The following NAA35 variants were observed in gnomAD, a reference collection of about 807,000 sequenced individuals.
NAA35 encodes MAK10 homolog, amino-acid N-acetyltransferase subunit.
In NAA35, 18 loss-of-function variants were observed where a neutral mutation model predicts 101.7. The ratio of observed to expected loss-of-function variants is 0.18; its 90% confidence interval spans 0.12 to 0.26. NAA35 has a LOEUF of 0.26. NAA35 is among the 10% of genes least tolerant of loss of function. NAA35 has a pLI of 1.00. For missense variants in NAA35, 601 were observed against 886.8 expected (o/e 0.68, Z 4.09); for synonymous variants, 267 against 273.1 (o/e 0.98, Z 0.22).
chr9:85,973,936 T>C (rs1393232197), intron 6 of NAA35, among the ~76,000 whole-genome samples: 4 of 151,996 alleles, frequency 2.6e-5, no homozygotes, highest in African/African-American at 7.2e-5. Context: ...TTGAAACTAT[T>C]GTTCTGTTAT....
At chr9:85,994,540 G>A (rs1831074223) in intron 11 of NAA35, among the ~76,000 whole-genome samples, 1 of 152,146 alleles carries the variant, frequency 6.6e-6, no homozygotes, top group Non-Finnish European at 1.5e-5. Flanking sequence ...CAATTTAAGG[G>A]CAGCCAAAAC....
At chr9:85,971,472 CA>C (rs1231693263) in intron 6 of NAA35, among the ~76,000 whole-genome samples, 1 of 152,184 alleles carries the variant, frequency 6.6e-6, no homozygotes, top group East Asian at 1.9e-4. Flanking sequence ...CTCCCTCCTC[CA>C]TAACTGTTCC....
chr9:85,993,218 A>T (rs1229450443), intron 11 of NAA35, among the ~76,000 whole-genome samples: 1 of 152,152 alleles, frequency 6.6e-6, no homozygotes, highest in Non-Finnish European at 1.5e-5. Context: ...TGTCACCCAG[A>T]CTGGGGTGCA....
At chr9:85,977,109 A>G (rs1249395073) in intron 9 of NAA35, among the ~76,000 whole-genome samples, 1 of 152,108 alleles carries the variant, frequency 6.6e-6, no homozygotes, top group Non-Finnish European at 1.5e-5. Flanking sequence ...CAGTTTTTTG[A>G]GGTAATAGTG....
intron 2 of NAA35, among the ~76,000 whole-genome samples, chr9:85,943,193 G>C (rs1441651537): frequency 6.6e-6 from 1 of 152,096 alleles, no homozygotes; most frequent in Non-Finnish European, 1.5e-5. Context: ...TCTAGGGAGA[G>C]ACTGAAGATA....
chr9:85,956,083 A>G (rs1829261550), intron 2 of NAA35, among the ~76,000 whole-genome samples: 1 of 152,188 alleles, frequency 6.6e-6, no homozygotes, highest in South Asian at 2.1e-4. Context: ...GGGGTTGGTA[A>G]TTCTGATTGG....
rs1380141530 is a variant in NAA35, at chr9:85,945,732, G to C, written c.124+3449G>C. ...GACGGGGTTTCACCGTGTTAGTCAG[G>C]ATGGTCTCGATCTCCTGACCTCGTG... On this transcript the variant is annotated intron_variant, in intron 2 of 22. Transcript: ENST00000361671. 3.3e-5 allele frequency among the ~76,000 whole-genome samples: 5 copies of C among 152,132 alleles called. No homozygotes were observed. In the East Asian group the frequency reaches 7.7e-4, roughly 24 times the overall value.
At chr9:85,965,680 G>A (rs1829712647) in intron 6 of NAA35, among the ~76,000 whole-genome samples, 1 of 151,802 alleles carries the variant, frequency 6.6e-6, no homozygotes, top group Admixed American at 6.6e-5. Flanking sequence ...AAAAAAAATT[G>A]GAAAAAAAAT....
chr9:85,949,560 T>C (rs894649445), intron 2 of NAA35, among the ~76,000 whole-genome samples: 19 of 152,216 alleles, frequency 1.2e-4, no homozygotes, highest in Admixed American at 5.2e-4. Flanking sequence ...CCCAAAGTGC[T>C]GGGATTACAG....
At chr9:85,952,846 T>G (rs1196555172) in intron 2 of NAA35, among the ~76,000 whole-genome samples, 1 of 152,240 alleles carries the variant, frequency 6.6e-6, no homozygotes, top group African/African-American at 2.4e-5. Context: ...GTAATAATTT[T>G]TACTGCTTTA....
At chr9:86,005,908 C>A (rs577548455) in intron 13 of NAA35, among the ~76,000 whole-genome samples, 2 of 150,546 alleles carry the variant, frequency 1.3e-5, no homozygotes, top group South Asian at 2.1e-4. Context: ...CATGGTGGCT[C>A]ACGCCTGTAA....
At chr9:85,941,305 CCT>C in intron 1 of NAA35, 32 bp downstream of exon 1, 1 of 985,606 alleles carries the variant, frequency 1.0e-6, no homozygotes, top group Non-Finnish European at 1.2e-6. Context: ...CCATTGAAAC[CCT>C]CTCGCTCGTG....
chr9:85,969,401 G>GGA (rs1399617757), intron 6 of NAA35, among the ~76,000 whole-genome samples: 1 of 151,706 alleles, frequency 6.6e-6, no homozygotes, highest in Non-Finnish European at 1.5e-5. Context: ...CTGTTATATA[G>GGA]ATGGACCTTC....
intron 6 of NAA35, among the ~76,000 whole-genome samples, chr9:85,971,071 T>C (rs183569633): frequency 8.5e-5 from 13 of 152,384 alleles, no homozygotes; most frequent in African/African-American, 3.1e-4. Context: ...CTTATTGGCA[T>C]GTAAACATGC....
At chr9:85,974,518 A>T (rs1220055883) in intron 6 of NAA35, among the ~76,000 whole-genome samples, 11 of 152,146 alleles carry the variant, frequency 7.2e-5, no homozygotes. Flanking sequence ...CACTTTGAAT[A>T]ATTCTGTTTG....
chr9:85,974,561 A>G (rs1260870627), intron 6 of NAA35, among the ~76,000 whole-genome samples: 1 of 152,116 alleles, frequency 6.6e-6, no homozygotes, highest in Non-Finnish European at 1.5e-5. Flanking sequence ...GTCACTTAAT[A>G]ATTTTTTAAG....
intron 12 of NAA35, 129 bp from the exon 13 acceptor site, chr9:86,003,452 CTTTA>C: frequency 2.3e-6 from 1 of 442,566 alleles, no homozygotes; most frequent in East Asian, 3.3e-5. Flanking sequence ...TAGAAATGAC[CTTTA>C]TTTGTCATAT....
At chr9:86,018,961 A>G in intron 21 of NAA35, 140 bp downstream of exon 21, 2 of 1,137,374 alleles carry the variant, frequency 1.8e-6, no homozygotes, top group Non-Finnish European at 2.5e-6. Context: ...GAAGGATTTC[A>G]GGTAGTTTTG....
intron 11 of NAA35, among the ~76,000 whole-genome samples, chr9:85,990,236 A>G (rs1830845168): frequency 6.6e-6 from 1 of 152,244 alleles, no homozygotes; most frequent in African/African-American, 2.4e-5. Context: ...TACCTGTGAG[A>G]ACTAATCCAG....
Sources: gnomAD v4.1 joint callset for allele counts (sites outside exome capture counted in the v4.1 genomes callset) on GRCh38, gnomAD v4.1.1 for gene constraint, MANE v1.5 for transcripts, NCBI Gene and HGNC (gene_info 2026-07-23, HGNC 2026-07-21) for gene names.